GRM7: variants seen among roughly 807,000 people sequenced by gnomAD.
GRM7 encodes metabotropic glutamate receptor 7.
GRM7 carries 35 observed loss-of-function variants against 84.5 expected under a neutral mutation model. That is an observed-to-expected ratio of 0.41 (90% CI 0.32 to 0.55). The LOEUF (loss-of-function observed/expected upper bound fraction) is 0.55, where lower values mean the gene tolerates loss of function less well. Among genes scored for constraint, GRM7 ranks in the 20% least tolerant of loss-of-function variants. The pLI is 0.19. For missense variants in GRM7, 1,003 were observed against 1,194.6 expected (o/e 0.84, Z 2.36); for synonymous variants, 487 against 455.1 (o/e 1.07, Z -0.89).
intron 1 of GRM7, among the ~76,000 whole-genome samples, chr3:6,972,710 G>A (rs1380559982): frequency 1.3e-5 from 2 of 152,190 alleles, no homozygotes; most frequent in African/African-American, 2.4e-5. Flanking sequence ...CTGCGGTAAG[G>A]ACGGTCCCTT....
chr3:7,156,778 C>G (rs1453962482), intron 2 of GRM7, among the ~76,000 whole-genome samples: 1 of 152,096 alleles, frequency 6.6e-6, no homozygotes, highest in Non-Finnish European at 1.5e-5. Context: ...ATCACAACAA[C>G]AAAATTTTTA....
At chr3:7,388,037 T>C (rs1298279298) in intron 4 of GRM7, among the ~76,000 whole-genome samples, 1 of 152,154 alleles carries the variant, frequency 6.6e-6, no homozygotes, top group African/African-American at 2.4e-5. Context: ...AGGTATCTTA[T>C]TGTTTTCGTG....
chr3:7,570,750 G>A lies in GRM7; in HGVS notation c.1516-7672G>A, dbSNP rs575672455. ...CACAGCCCCACTAGGTGGTGCCTCA[G>A]TAGGGACTCTGTTTGGGGGCTCTCA... On this transcript the variant is annotated intron_variant, in intron 7 of 9. Coordinates refer to ENST00000357716, the MANE Select transcript of GRM7 (RefSeq NM_000844.4). 7.9e-5 allele frequency among the ~76,000 whole-genome samples: 12 copies of A among 152,320 alleles called. No homozygotes were observed. The East Asian group carries it at 2.1e-3, about 27-fold the overall frequency.
chr3:7,683,821 T>C (rs903618498), intron 9 of GRM7, among the ~76,000 whole-genome samples: 2 of 152,236 alleles, frequency 1.3e-5, no homozygotes, highest in Non-Finnish European at 2.9e-5. Context: ...GGCTACTGTA[T>C]TGGACAGTGT....
chr3:7,292,467 T>C (rs74933970), intron 2 of GRM7, among the ~76,000 whole-genome samples: 15,449 of 152,134 alleles, frequency 0.1, 1,056 homozygotes, highest in Non-Finnish European at 0.16. Context: ...TGATTTGGGG[T>C]GAGTTATTTA....
chr3:7,730,161 C>G (rs187776946), intron 9 of GRM7, among the ~76,000 whole-genome samples: 5 of 149,914 alleles, frequency 3.3e-5, no homozygotes, highest in Admixed American at 2.0e-4. Context: ...GCGCCCACCA[C>G]CACACCTGGC....
chr3:7,465,370 A>C (rs1035105488), intron 7 of GRM7, among the ~76,000 whole-genome samples: 1 of 152,070 alleles, frequency 6.6e-6, no homozygotes, highest in African/African-American at 2.4e-5. Flanking sequence ...GTAGGATGTC[A>C]CCCTGTTGAC....
chr3:7,234,044 A>T (rs1055298934), intron 2 of GRM7, among the ~76,000 whole-genome samples: 1 of 152,148 alleles, frequency 6.6e-6, no homozygotes, highest in Non-Finnish European at 1.5e-5. Flanking sequence ...CCTAGGCTTT[A>T]ATGTTTTTAA....
chr3:6,920,734 CCTT>C (rs1205689658), intron 1 of GRM7, among the ~76,000 whole-genome samples: 2 of 152,108 alleles, frequency 1.3e-5, no homozygotes, highest in African/African-American at 4.8e-5. Context: ...GGCTGGGTCT[CCTT>C]CTCCTTTTGG....
intron 2 of GRM7, among the ~76,000 whole-genome samples, chr3:7,261,732 C>G (rs979505928): frequency 2.0e-5 from 3 of 152,208 alleles, no homozygotes; most frequent in African/African-American, 7.2e-5. Context: ...TGGTAATGGT[C>G]TTTCCTTTCC....
At chr3:7,664,653 C>T (rs767930889) in intron 8 of GRM7, among the ~76,000 whole-genome samples, 60 of 152,324 alleles carry the variant, frequency 3.9e-4, no homozygotes, top group Non-Finnish European at 6.5e-4. Flanking sequence ...AATGCTATCC[C>T]TCCCCAACCC....
chr3:7,051,832 A>C (rs931867651), intron 1 of GRM7, among the ~76,000 whole-genome samples: 3 of 151,834 alleles, frequency 2.0e-5, no homozygotes, highest in African/African-American at 7.2e-5. Context: ...AGAAAATGGG[A>C]AGAGAAGCTG....
At chr3:7,022,482 T>C (rs924343405) in intron 1 of GRM7, among the ~76,000 whole-genome samples, 1 of 151,840 alleles carries the variant, frequency 6.6e-6, no homozygotes, top group Non-Finnish European at 1.5e-5. Context: ...GACTATCTCA[T>C]AGGGTGCAGA....
chr3:7,065,429 C>T (rs1044746690), intron 1 of GRM7, among the ~76,000 whole-genome samples: 2 of 151,844 alleles, frequency 1.3e-5, no homozygotes, highest in Non-Finnish European at 2.9e-5. Context: ...TATCCCAGCA[C>T]CATTTGTTGA....
intron 5 of GRM7, among the ~76,000 whole-genome samples, chr3:7,417,557 C>A (rs184556771): frequency 2.0e-5 from 3 of 152,210 alleles, no homozygotes; most frequent in Non-Finnish European, 4.4e-5. Context: ...CTAGAACAGG[C>A]ATGTTAGAAA....
chr3:7,102,042 A>T (rs1418769480), intron 1 of GRM7, among the ~76,000 whole-genome samples: 1 of 151,574 alleles, frequency 6.6e-6, no homozygotes, highest in Non-Finnish European at 1.5e-5. Flanking sequence ...ACATCCCATA[A>T]TATAATGTAA....
rs758931417 is a variant in GRM7 at position 6,861,671 on chromosome 3, C to G, written c.283C>G (p.Leu95Val). The G allele has an allele frequency of 2.5e-6, 4 of 1,613,992 alleles. No homozygotes were observed. The African/African-American group carries it at 5.3e-5, about 22-fold the overall frequency. ...GGACCAGATCAACAGTGATCCCAACCTACTGCCCAACGTGACGCTGGGCGC... is the reference window on the plus strand; with the variant it reads ...GGACCAGATCAACAGTGATCCCAACGTACTGCCCAACGTGACGCTGGGCGC... ...ALDQINSDPN[L>V]LPNVTLGARI... The change falls in exon 1 of 10, where the codon CTA becomes GTA. Residue 95 changes from leucine (L) to valine (V), a missense_variant. By Grantham distance (32) the Leu-to-Val change is conservative. Coordinates refer to ENST00000357716, the MANE Select transcript of GRM7 (RefSeq NM_000844.4). This position sits in a 1 kb window ranked among gnomAD's most constrained non-coding sequence, Gnocchi z 6.4.
At chr3:7,419,951 A>G (rs1010662309) in intron 5 of GRM7, among the ~76,000 whole-genome samples, 2 of 152,194 alleles carry the variant, frequency 1.3e-5, no homozygotes, top group African/African-American at 4.8e-5. Context: ...GCCCCTGTTT[A>G]CTGTGGAAAG....
chr3:7,444,957 A>C (rs1024818692), intron 5 of GRM7, among the ~76,000 whole-genome samples: 1 of 152,170 alleles, frequency 6.6e-6, no homozygotes, highest in Admixed American at 6.6e-5. Flanking sequence ...TAATGGTTCA[A>C]TTGCAATCAA....
Sources: allele counts gnomAD v4.1 joint callset (sites outside exome capture counted in the v4.1 genomes callset), GRCh38; gene constraint gnomAD v4.1.1; non-coding constraint Gnocchi (gnomAD v3.1); transcripts MANE v1.5; gene names NCBI Gene and HGNC (gene_info 2026-07-23, HGNC 2026-07-21).